DIP2B: variants seen among roughly 807,000 people sequenced by gnomAD.
DIP2B encodes the protein disco-interacting protein 2 homolog B.
In DIP2B, 76 loss-of-function variants were observed where a neutral mutation model predicts 198.0. That is an observed-to-expected ratio of 0.38 (90% confidence interval 0.32 to 0.46). DIP2B has a LOEUF of 0.46. DIP2B is among the 20% of genes least tolerant of loss of function. The pLI, the probability that DIP2B is intolerant of heterozygous loss-of-function variation, is 0.99. For missense variants in DIP2B, 1,559 were observed against 1,978.4 expected, an observed-to-expected ratio of 0.79 and a Z score of 4.02; for synonymous variants, 701 against 739.1, an observed-to-expected ratio of 0.95 and a Z score of 0.84.
intron 23 of DIP2B, among the ~76,000 whole-genome samples, chr12:50,715,869 A>G (rs1490499383): frequency 6.6e-6 from 1 of 152,228 alleles, no homozygotes; most frequent in Non-Finnish European, 1.5e-5. Context: ...GGAATTGATA[A>G]CTAGCAGTTT....
chr12:50,512,141 C>CTGTCCCCCAAG (rs1481946012), intron 1 of DIP2B, among the ~76,000 whole-genome samples: 3 of 135,386 alleles, frequency 2.2e-5, no homozygotes, highest in Non-Finnish European at 4.7e-5. Flanking sequence ...GAGTCTTGCT[C>CTGTCCCCCAAG]TGTCCCCCAG....
intron 3 of DIP2B, among the ~76,000 whole-genome samples, chr12:50,653,417 T>G (rs1210934145): frequency 1.4e-5 from 2 of 140,186 alleles, no homozygotes; most frequent in Non-Finnish European, 3.1e-5. Flanking sequence ...TATGGCTCAC[T>G]ACAGCCTCAG....
chr12:50,702,124 C>T (rs538394551), intron 19 of DIP2B, among the ~76,000 whole-genome samples: 3 of 151,768 alleles, frequency 2.0e-5, no homozygotes, highest in East Asian at 1.9e-4. Flanking sequence ...CCGAGGCGGG[C>T]GGATCACGAG....
In DIP2B at chr12:50,505,209, G is replaced by T; in HGVS notation, c.69G>T (p.Gln23His). The T allele has an allele frequency of 6.6e-7, 1 of 1,522,394 alleles. No homozygotes were observed. Among genetic ancestry groups the T allele is most frequent in the Non-Finnish European group, 8.8e-7 (1 of 1,140,678 alleles). 94.3% of individuals were successfully genotyped at this position (1,522,394 alleles called of 1,614,324 possible). A position where few individuals can be genotyped will look rare whatever the true frequency, so the allele number is the denominator to read the frequency against. The change falls in exon 1 of 38, where the codon CAG (glutamine) becomes CAT (histidine). Residue 23 changes from glutamine to histidine, a missense_variant. Physicochemically the swap from Gln to His is conservative, Grantham distance 24. Transcript: ENST00000301180. ...VAALPPEVRA[Q>H]LAELELELSE... is the part of the protein sequence containing the mutation. ...CGCTGCCGCCTGAAGTGCGGGCGCA[G>T]CTGGCGGAGCTGGAGCTGGAGCTCT...
chr12:50,568,228 C>T (rs1239809103), intron 1 of DIP2B, among the ~76,000 whole-genome samples: 4 of 152,132 alleles, frequency 2.6e-5, no homozygotes, highest in Non-Finnish European at 5.9e-5. Context: ...AACTACTGTA[C>T]ATATGCAAGC....
intron 1 of DIP2B, among the ~76,000 whole-genome samples, chr12:50,585,713 T>G (rs1958764569): frequency 6.6e-6 from 1 of 152,098 alleles, no homozygotes; most frequent in African/African-American, 2.4e-5. Context: ...ATGTGGGAAG[T>G]TTTGAGCAAG....
chr12:50,568,619 T>C (rs1298790941), intron 1 of DIP2B, among the ~76,000 whole-genome samples: 1 of 152,118 alleles, frequency 6.6e-6, no homozygotes, highest in African/African-American at 2.4e-5. Flanking sequence ...GGCAGGAAAC[T>C]CAGTGGAATT....
At chr12:50,709,562 C>G (rs558362883) in intron 22 of DIP2B, among the ~76,000 whole-genome samples, 1 of 151,610 alleles carries the variant, frequency 6.6e-6, no homozygotes, top group Non-Finnish European at 1.5e-5. Context: ...GGCTTGAACC[C>G]AGGAGGCGGA....
At chr12:50,721,140 C>T in intron 25 of DIP2B, 133 bp from the exon 26 acceptor site, 1 of 1,348,642 alleles carries the variant, frequency 7.4e-7, no homozygotes, top group Non-Finnish European at 9.9e-7. Flanking sequence ...GGAATTTTCA[C>T]TAGAATTGAT....
At chr12:50,594,886 G>T (rs1958865254) in intron 1 of DIP2B, among the ~76,000 whole-genome samples, 1 of 151,940 alleles carries the variant, frequency 6.6e-6, no homozygotes, top group Non-Finnish European at 1.5e-5. Flanking sequence ...GCGTTATCTG[G>T]CTTATTTTAA....
chr12:50,733,308 T>C (rs764110273), intron 32 of DIP2B, among the ~76,000 whole-genome samples: 1 of 151,272 alleles, frequency 6.6e-6, no homozygotes, highest in Non-Finnish European at 1.5e-5. Context: ...TCTACCCAGA[T>C]GGCAACTTTG....
At chr12:50,565,633 T>C (rs1958557339) in intron 1 of DIP2B, among the ~76,000 whole-genome samples, 1 of 152,178 alleles carries the variant, frequency 6.6e-6, no homozygotes, top group Non-Finnish European at 1.5e-5. Context: ...TAGTTATGTT[T>C]GTTACGTCAA....
At chr12:50,696,048 T>G in intron 16 of DIP2B, 81 bp downstream of exon 16, 1 of 1,569,954 alleles carries the variant, frequency 6.4e-7, no homozygotes, top group Non-Finnish European at 8.7e-7. Flanking sequence ...TAAGATATAA[T>G]TCACATACTG....
At chr12:50,711,038 G>A (rs1396468593) in intron 22 of DIP2B, among the ~76,000 whole-genome samples, 2 of 152,230 alleles carry the variant, frequency 1.3e-5, no homozygotes, top group Non-Finnish European at 2.9e-5. Flanking sequence ...TTATAGAAAA[G>A]TGAGTATACC....
intron 2 of DIP2B, among the ~76,000 whole-genome samples, chr12:50,637,152 G>GT (rs1253695911): frequency 1.3e-5 from 2 of 152,132 alleles, no homozygotes; most frequent in African/African-American, 2.4e-5. Context: ...GGAAAAATCT[G>GT]TAACGGGCAT....
At chr12:50,681,873 C>T (rs1939047008) in intron 9 of DIP2B, among the ~76,000 whole-genome samples, 1 of 152,140 alleles carries the variant, frequency 6.6e-6, no homozygotes, top group Non-Finnish European at 1.5e-5. Context: ...GCAAGATGGA[C>T]ACTGTGCAGG....
At chr12:50,669,776 A>G (rs1420852115) in intron 4 of DIP2B, among the ~76,000 whole-genome samples, 1 of 152,078 alleles carries the variant, frequency 6.6e-6, no homozygotes, top group East Asian at 1.9e-4. Context: ...TGACTTCTAG[A>G]TTAGATGAGT....
At chr12:50,505,612 T>G (rs1957961374) in intron 1 of DIP2B, among the ~76,000 whole-genome samples, 1 of 152,080 alleles carries the variant, frequency 6.6e-6, no homozygotes, top group Non-Finnish European at 1.5e-5. Flanking sequence ...AGCTTTCTCC[T>G]TTCCTCTCCC....
At chr12:50,595,569 T>C (rs7306387) in intron 1 of DIP2B, among the ~76,000 whole-genome samples, 10,869 of 152,172 alleles carry the variant, frequency 0.071, 823 homozygotes, top group East Asian at 0.36. Context: ...CTTCCCAAAG[T>C]GCTAGGATTA....
Sources: gnomAD v4.1 joint callset for allele counts (sites outside exome capture counted in the v4.1 genomes callset) on GRCh38, gnomAD v4.1.1 for gene constraint, MANE v1.5 for transcripts, NCBI Gene and HGNC (gene_info 2026-07-23, HGNC 2026-07-21) for gene names.